IL27RA: variants seen among roughly 807,000 people sequenced by gnomAD.
IL27RA encodes interleukin-27 receptor subunit alpha.
Under a neutral mutation model 80.8 loss-of-function variants are expected in IL27RA, and 61 were observed. That is an observed-to-expected ratio of 0.76 (90% CI 0.61 to 0.93). IL27RA has a LOEUF of 0.93. IL27RA is among the 40% of genes least tolerant of loss of function. The probability of loss-of-function intolerance (pLI) is 0.00; values close to 1 mark genes in which losing one functional copy is unlikely to be tolerated. For missense variants in IL27RA, 735 were observed against 808.1 expected (o/e 0.91, Z 1.10); for synonymous variants, 316 against 332.5 (o/e 0.95, Z 0.54).
chr19:14,046,451 G>A lies in IL27RA; in HGVS notation c.974G>A (p.Ser325Asn). The change falls in exon 8 of 14, where the codon AGC (serine) becomes AAC (asparagine). Residue 325 changes from serine to asparagine, a missense_variant. Ser to Asn is a conservative substitution (Grantham distance 46). Coordinates refer to ENST00000263379, the MANE Select transcript of IL27RA (RefSeq NM_004843.4). The stretch of plus-strand genomic sequence containing the variant: ...CCAGATTCAGCCTCTGCCCCCCGTA[G>A]CGTGGCAGTCAGCAGCATCGCTGGG... ...VCLDSASAPRSVAVSSIAGST... is the reference protein window; with the variant it reads ...VCLDSASAPRNVAVSSIAGST... 1 of 1,614,168 alleles carries A rather than the reference G, an allele frequency of 6.2e-7. No individual in the cohort carries two copies. The highest frequency in any genetic ancestry group is 1.6e-4 in the Middle Eastern group (1 of 6,062).
intron 6 of IL27RA, among the ~76,000 whole-genome samples, chr19:14,044,234 A>T (rs1049849710): frequency 2.6e-5 from 4 of 151,624 alleles, no homozygotes; most frequent in African/African-American, 9.7e-5. Context: ...ACAATCCAGT[A>T]TCTTTTATTT....
chr19:14,033,943 G>A (rs1223888080), intron 2 of IL27RA, among the ~76,000 whole-genome samples: 8 of 152,008 alleles, frequency 5.3e-5, no homozygotes, highest in Admixed American at 1.3e-4. Flanking sequence ...CAGCCTGGCC[G>A]ACAGAGCGAG....
At position 14,052,433 on chromosome 19, in the gene IL27RA, A is replaced by T; in HGVS notation, c.*143A>T. ...GTCACTTACCTGAGGACACCCAGCC[A>T]GGCAGAGCTGGGATTGAAGGACCCC... On this transcript the variant is annotated 3_prime_UTR_variant, in exon 14 of 14. Coordinates refer to ENST00000263379, the MANE Select transcript of IL27RA (RefSeq NM_004843.4). The T allele has an allele frequency of 3.1e-6, 2 of 642,112 alleles. No individual in the cohort carries two copies. Among genetic ancestry groups the T allele is most frequent in the Non-Finnish European group, 5.0e-6 (2 of 403,898 alleles). 39.8% of individuals were successfully genotyped at this position (642,112 alleles called of 1,614,324 possible). A position where few individuals can be genotyped will look rare whatever the true frequency, so the allele number is the denominator to read the frequency against.
rs994219517 is a variant in IL27RA, at chr19:14,052,571, G to A, written c.*281G>A. ...TGCCAAAATCTGTTCCGCTGTAACAGAACTGAATTTGGACCCCAGCACAGT... is the reference window on the plus strand; with the variant it reads ...TGCCAAAATCTGTTCCGCTGTAACAAAACTGAATTTGGACCCCAGCACAGT... On this transcript the variant is annotated 3_prime_UTR_variant, in exon 14 of 14. Coordinates refer to ENST00000263379, the MANE Select transcript of IL27RA (RefSeq NM_004843.4). The A allele has an allele frequency of 2.4e-4, 86 of 359,924 alleles. No individual in the cohort carries two copies. Among genetic ancestry groups the A allele is most frequent in the Middle Eastern group, 1.4e-3 (2 of 1,410 alleles). The allele number at this position is 359,924 out of a possible 1,614,324, so 22.3% of individuals were successfully genotyped here. A position where few individuals can be genotyped will look rare whatever the true frequency, so the allele number is the denominator to read the frequency against.
At chr19:14,042,232 G>A (rs1381636231) in intron 4 of IL27RA, among the ~76,000 whole-genome samples, 1 of 151,656 alleles carries the variant, frequency 6.6e-6, no homozygotes, top group Non-Finnish European at 1.5e-5. Context: ...CAGGTGTGGT[G>A]GTGGGTGCCT....
In IL27RA at chr19:14,032,475, T is replaced by G; in HGVS notation, c.190T>G (p.Ser64Ala). ...WEPLGDLGAP[S>A]ELHLQSQKYR... Reference sequence around the variant, plus strand: ...GCCTCTTGGGGACCTGGGAGCCCCCTCCGAGTTACACCTCCAGAGCCAAAA... The same window carrying G: ...GCCTCTTGGGGACCTGGGAGCCCCCGCCGAGTTACACCTCCAGAGCCAAAA... The change falls in exon 2 of 14, where the codon TCC becomes GCC. Residue 64 changes from serine to alanine, a missense_variant. Ser to Ala is a moderately conservative substitution (Grantham distance 99). Coordinates refer to ENST00000263379, the MANE Select transcript of IL27RA (RefSeq NM_004843.4). 1 of 1,613,286 alleles carries G rather than the reference T, an allele frequency of 6.2e-7. No individual in the cohort carries two copies. The highest frequency in any genetic ancestry group is 8.5e-7 in the Non-Finnish European group (1 of 1,179,616).
chr19:14,035,062 A>G (rs1975878770), intron 2 of IL27RA, among the ~76,000 whole-genome samples: 1 of 147,270 alleles, frequency 6.8e-6, no homozygotes, highest in Non-Finnish European at 1.5e-5. Context: ...TGGGGCAGTC[A>G]GTTCACTGCA....
At position 14,032,065 on chromosome 19, in the gene IL27RA, C is replaced by T. The variant is rs1975824096; in HGVS notation, c.100+93C>T. 8 of 1,139,856 alleles carry T rather than the reference C, an allele frequency of 7.0e-6. No homozygotes were observed. The East Asian group carries it at 1.8e-4, about 26-fold the overall frequency. The allele number at this position is 1,139,856 out of a possible 1,614,324, so 70.6% of individuals were successfully genotyped here. On this transcript the variant is annotated intron_variant, in intron 1 of 13. Coordinates refer to ENST00000263379, the MANE Select transcript of IL27RA (RefSeq NM_004843.4). ...CAGGATAAGCCACGCGTATGCAGAG[C>T]GAACGGTAGAGGTGCAGGCGCCACT...
intron 8 of IL27RA, among the ~76,000 whole-genome samples, chr19:14,047,887 C>T (rs1719927861): frequency 6.7e-6 from 1 of 150,058 alleles, no homozygotes; most frequent in Non-Finnish European, 1.5e-5. Flanking sequence ...TGGTCTCGAT[C>T]TCTTGACCTC....
At position 14,047,657 on chromosome 19, in the gene IL27RA, C is replaced by CTT. The variant is rs757895872; in HGVS notation, c.1141+1057_1141+1058dup. On this transcript the variant is annotated intron_variant, in intron 8 of 13. Coordinates refer to ENST00000263379, the MANE Select transcript of IL27RA (RefSeq NM_004843.4). ...CAGGGGTGAGCCACCATGCCTGGCCCTTTTTTTTTTTTTTTTTTTGGAGTC... is the reference window on the plus strand; with the variant it reads ...CAGGGGTGAGCCACCATGCCTGGCCCTTTTTTTTTTTTTTTTTTTTTGGAGTC... Among the ~76,000 whole-genome samples the CTT allele has an allele frequency of 5.1e-3, 556 of 108,172 alleles. 17 individuals carry two copies. Among genetic ancestry groups the CTT allele is most frequent in the African/African-American group, 0.02 (505 of 25,588 alleles). The allele number at this position is 108,172 out of a possible 152,430, so 71.0% of individuals were successfully genotyped here. A position where few individuals can be genotyped will look rare whatever the true frequency, so the allele number is the denominator to read the frequency against.
At chr19:14,048,627 A>C (rs1385416687) in intron 8 of IL27RA, among the ~76,000 whole-genome samples, 1 of 152,160 alleles carries the variant, frequency 6.6e-6, no homozygotes, top group Admixed American at 6.6e-5. Flanking sequence ...CAAGATGGAA[A>C]TATTGAGAAG....
rs371858042 is a variant in IL27RA at position 14,052,186 on chromosome 19, G to A, written c.1807G>A (p.Ala603Thr). The change falls in exon 14 of 14, where the codon GCC (alanine) becomes ACC (threonine). Residue 603 changes from alanine (A) to threonine (T), a missense_variant. Transcript: ENST00000263379. ...GCCGGTTATGGAGTCCTCCCAGCCC[G>A]CCCAGGCCACCGCCCCGCTTGACTC... ...PPPVMESSQP[A>T]QATAPLDSGY... 6.4e-5 allele frequency: 103 copies of A among 1,611,796 alleles called. No homozygotes were observed. The highest frequency in any genetic ancestry group is 5.4e-4 in the Admixed American group (32 of 59,702).
chr19:14,035,121 C>G (rs1975879225), intron 2 of IL27RA, among the ~76,000 whole-genome samples: 1 of 151,206 alleles, frequency 6.6e-6, no homozygotes, highest in South Asian at 2.1e-4. Context: ...TCCCAAGTAG[C>G]TGGGACTACA....
chr19:14,046,069 G>A lies in IL27RA; in HGVS notation c.769-85G>A, dbSNP rs139484922. ...CAAACAAAAAATGCTTCACTGACCG[G>A]TGGTTTATCAGGTGACCTCAGGGAG... On this transcript the variant is annotated intron_variant, in intron 6 of 13. Transcript: ENST00000263379. 2,183 of 1,286,998 alleles carry A rather than the reference G, an allele frequency of 1.7e-3. 39 individuals carry two copies. The African/African-American group carries it at 0.03, about 18-fold the overall frequency. The allele number at this position is 1,286,998 out of a possible 1,614,324, so 79.7% of individuals were successfully genotyped here.
chr19:14,044,529 G>C (rs1198263026), intron 6 of IL27RA, among the ~76,000 whole-genome samples: 3 of 151,784 alleles, frequency 2.0e-5, no homozygotes, highest in South Asian at 2.1e-4. Flanking sequence ...GTGAGCCACC[G>C]TGCCTGGCCG....
chr19:14,046,709 C>T (rs942304533), intron 8 of IL27RA, 91 bp downstream of exon 8: 8 of 1,264,714 alleles, frequency 6.3e-6, no homozygotes, highest in Admixed American at 2.4e-5. Context: ...ATTAAAGTAG[C>T]GTGATGGCCG....
chr19:14,037,878 T>C (rs1034453745), intron 2 of IL27RA, among the ~76,000 whole-genome samples: 2 of 149,846 alleles, frequency 1.3e-5, no homozygotes, highest in Non-Finnish European at 3.0e-5. Context: ...GTTGCCAGGC[T>C]GGAGTGCAGT....
chr19:14,039,364 C>G, intron 2 of IL27RA, 144 bp from the exon 3 acceptor site: 1 of 803,124 alleles, frequency 1.2e-6, no homozygotes, highest in Non-Finnish European at 1.9e-6. Flanking sequence ...GTCACTTACT[C>G]AAGGTCACAC....
At chr19:14,051,743 G>A in intron 12 of IL27RA, 43 bp downstream of exon 12, 1 of 1,500,674 alleles carries the variant, frequency 6.7e-7, no homozygotes, top group Non-Finnish European at 9.2e-7. Context: ...CGTGGGGAAG[G>A]CAGCTGGGCA....
Sources: allele counts gnomAD v4.1 joint callset (sites outside exome capture counted in the v4.1 genomes callset), GRCh38; gene constraint gnomAD v4.1.1; transcripts MANE v1.5; gene names NCBI Gene and HGNC (gene_info 2026-07-23, HGNC 2026-07-21).